The following TRPM2 variants were observed in gnomAD, a reference collection of about 807,000 sequenced individuals.
The protein encoded by TRPM2 is estrogen-responsive element-associated gene 1 protein.
Under a neutral mutation model 174.0 loss-of-function variants are expected in TRPM2, and 161 were observed. That is an observed-to-expected ratio of 0.93 (90% CI 0.81 to 1.05). The LOEUF is 1.05. TRPM2 is among the 50% of genes least tolerant of loss of function. The pLI is 0.00. For synonymous variants in TRPM2, 954 were observed against 861.3 expected (o/e 1.11, Z -1.88); for missense variants, 2,057 against 2,038.0 (o/e 1.01, Z -0.18).
At chr21:44,379,234 C>T (rs1442694340) in intron 8 of TRPM2, 37 bp downstream of exon 8, 2 of 1,600,984 alleles carry the variant, frequency 1.2e-6, no homozygotes. Flanking sequence ...CAGCATGTGG[C>T]TGCTTTGCAG....
At chr21:44,373,451 T>C (rs1249549693) in intron 5 of TRPM2, among the ~76,000 whole-genome samples, 1 of 152,224 alleles carries the variant, frequency 6.6e-6, no homozygotes, top group Non-Finnish European at 1.5e-5. Context: ...CCCCCCAAAG[T>C]GCTGGGATTA....
At chr21:44,403,802 T>C (rs1432168973) in intron 16 of TRPM2, among the ~76,000 whole-genome samples, 1 of 148,186 alleles carries the variant, frequency 6.7e-6, no homozygotes, top group Non-Finnish European at 1.5e-5. Context: ...TATACACAGA[T>C]AAACACATGT....
chr21:44,435,093 G>A, intron 27 of TRPM2, 38 bp from the exon 28 acceptor site: 1 of 1,594,010 alleles, frequency 6.3e-7, no homozygotes, highest in Non-Finnish European at 8.6e-7. Context: ...CTCCCCCATT[G>A]GTGGACGGTG....
At chr21:44,364,317 T>C (rs1327145732) in intron 3 of TRPM2, 35 bp downstream of exon 3, 1 of 1,606,310 alleles carries the variant, frequency 6.2e-7, no homozygotes, top group African/African-American at 1.3e-5. Flanking sequence ...GAACTGTAGG[T>C]GGAGCTGCAT....
chr21:44,417,230 A>T (rs1456709718), intron 20 of TRPM2, among the ~76,000 whole-genome samples: 1 of 70,154 alleles, frequency 1.4e-5, no homozygotes, highest in South Asian at 6.1e-4. Context: ...CAGTGGGCAC[A>T]AGGGCGTGGC....
chr21:44,425,776 C>T lies in TRPM2; in HGVS notation c.3744C>T (p.Pro1248=). 1.3e-6 allele frequency: 2 copies of T among 1,596,266 alleles called. No individual in the cohort carries two copies. Among genetic ancestry groups the T allele is most frequent in the Non-Finnish European group, 1.7e-6 (2 of 1,168,338 alleles). ...TGAATGCCCGGCACCTCCTCTACCC[C>T]AACTGCCCTGTCACGCGCTTCCCCG... ...YHVNARHLLY[P]NCPVTRFPVP... The change falls in exon 25 of 32, where the codon CCC becomes CCT. Residue 1248 remains proline (P), a synonymous_variant. Transcript: ENST00000397928.
At chr21:44,380,852 T>G (rs2048859787) in intron 8 of TRPM2, among the ~76,000 whole-genome samples, 1 of 152,138 alleles carries the variant, frequency 6.6e-6, no homozygotes. Flanking sequence ...AGTGCTCGAC[T>G]CAGACGAGGA....
At chr21:44,370,970 G>A (rs1360234766) in intron 5 of TRPM2, among the ~76,000 whole-genome samples, 2 of 152,216 alleles carry the variant, frequency 1.3e-5, no homozygotes. Context: ...GTCCCAGCCC[G>A]GCTGCCGCCC....
chr21:44,425,687 G>A lies in TRPM2; in HGVS notation c.3655G>A (p.Glu1219Lys). Residue 1219 changes from glutamate to lysine, a missense_variant, in exon 25 of 32, where the codon GAG (glutamate) becomes AAG (lysine). Coordinates refer to ENST00000397928, the MANE Select transcript of TRPM2 (RefSeq NM_003307.4). ...GTCCCCAGCCTCCCAGAAGGCCGCG[G>A]AGGAGCCGGATGCTGAGCCGGGAGG... ...VPTLASQKAA[E>K]EPDAEPGGRK... 1 of 1,539,752 alleles carries A rather than the reference G, an allele frequency of 6.5e-7. No homozygotes were observed. Among genetic ancestry groups the A allele is most frequent in the Non-Finnish European group, 8.8e-7 (1 of 1,137,688 alleles).
intron 23 of TRPM2, among the ~76,000 whole-genome samples, 158 bp downstream of exon 23, chr21:44,423,890 T>C (rs2050643794): frequency 6.6e-6 from 1 of 152,190 alleles, no homozygotes; most frequent in African/African-American, 2.4e-5. Flanking sequence ...AGAGGCACCC[T>C]GTGTGTCCTC....
At chr21:44,431,503 T>C (rs2051021071) in intron 27 of TRPM2, among the ~76,000 whole-genome samples, 1 of 152,150 alleles carries the variant, frequency 6.6e-6, no homozygotes, top group Non-Finnish European at 1.5e-5. Flanking sequence ...GGAGTCTTGC[T>C]CTGTACCCCA....
chr21:44,429,176 A>T (rs1483261313), intron 27 of TRPM2, among the ~76,000 whole-genome samples: 1 of 150,246 alleles, frequency 6.7e-6, no homozygotes, highest in Non-Finnish European at 1.5e-5. Context: ...CTAAAGTTTT[A>T]TAATTTTGTT....
chr21:44,427,150 T>C, intron 27 of TRPM2, 39 bp downstream of exon 27: 1 of 1,510,016 alleles, frequency 6.6e-7, no homozygotes, highest in Non-Finnish European at 8.9e-7. Context: ...CGTCAGCCTT[T>C]GGGGTTTGCC....
chr21:44,426,988 A>G, intron 26 of TRPM2, 22 bp from the exon 27 acceptor site: 1 of 1,567,776 alleles, frequency 6.4e-7, no homozygotes, highest in Non-Finnish European at 8.6e-7. Flanking sequence ...GCACACAGAC[A>G]CGCCTTCTCC....
At position 44,376,671 on chromosome 21, in the gene TRPM2, C is replaced by T. The variant is rs1263934958; in HGVS notation, c.952+658C>T. 4.6e-5 allele frequency among the ~76,000 whole-genome samples: 7 copies of T among 152,198 alleles called. No individual in the cohort carries two copies. The highest frequency in any genetic ancestry group is 3.9e-4 in the East Asian group (2 of 5,170). Reference sequence around the variant, plus strand: ...TGGGATGGGATGGGTTTGAGGACGTCGGGAGGTCAAGTGCGGGGTTTTGCA... The same window carrying T: ...TGGGATGGGATGGGTTTGAGGACGTTGGGAGGTCAAGTGCGGGGTTTTGCA... On this transcript the variant is annotated intron_variant, in intron 6 of 31. Coordinates refer to ENST00000397928, the MANE Select transcript of TRPM2 (RefSeq NM_003307.4). The surrounding 1 kb of genome is among the most constrained non-coding windows in gnomAD (Gnocchi z 4.2).
intron 20 of TRPM2, chr21:44,415,083 G>A (rs1005173): frequency 0.7 from 107,220 of 152,156 alleles, 38,342 homozygotes; most frequent in East Asian, 0.77. Flanking sequence ...CCAGAGCTCC[G>A]ATCCATCTGT....
intron 21 of TRPM2, 73 bp downstream of exon 21, chr21:44,418,181 G>C (rs2050382437): frequency 6.5e-7 from 1 of 1,536,912 alleles, no homozygotes; most frequent in South Asian, 1.2e-5. Context: ...TGGCATGGCA[G>C]CTCTGCCCAG....
chr21:44,403,880 A>G (rs1023084746), intron 16 of TRPM2, among the ~76,000 whole-genome samples: 4 of 151,396 alleles, frequency 2.6e-5, no homozygotes, highest in African/African-American at 7.3e-5. Context: ...ACATACATAC[A>G]CATGCACATA....
At chr21:44,386,569 A>C (rs1476596806) in intron 9 of TRPM2, among the ~76,000 whole-genome samples, 1 of 152,240 alleles carries the variant, frequency 6.6e-6, no homozygotes, top group East Asian at 1.9e-4. Context: ...TGAAAACTGT[A>C]AAACATTGCT....
Sources: gnomAD v4.1 joint callset for allele counts (sites outside exome capture counted in the v4.1 genomes callset) on GRCh38, gnomAD v4.1.1 for gene constraint, Gnocchi (gnomAD v3.1) non-coding constraint, MANE v1.5 for transcripts, NCBI Gene and HGNC (gene_info 2026-07-23, HGNC 2026-07-21) for gene names.